The following ANO8 variants were observed in gnomAD, a reference collection of about 807,000 sequenced individuals.
ANO8 encodes the protein anoctamin-8.
ANO8 carries 67 observed loss-of-function variants against 120.4 expected under a neutral mutation model. The ratio of observed to expected loss-of-function variants is 0.56; its 90% CI spans 0.46 to 0.68. The LOEUF is 0.68. Among genes scored for constraint, ANO8 ranks in the 30% least tolerant of loss-of-function variants. The pLI is 0.00. For missense variants in ANO8, 1,526 were observed against 1,737.6 expected (o/e 0.88, Z 2.16); for synonymous variants, 727 against 759.2 (o/e 0.96, Z 0.70).
intron 16 of ANO8, among the ~76,000 whole-genome samples, chr19:17,325,981 A>G (rs1399653183): frequency 2.0e-5 from 3 of 152,194 alleles, no homozygotes; most frequent in Non-Finnish European, 4.4e-5. Context: ...CTGGGCCCAC[A>G]CTGAGGTTCT....
chr19:17,324,056 G>A (rs2074256899), intron 17 of ANO8, among the ~76,000 whole-genome samples, 172 bp from the exon 18 acceptor site: 1 of 37,158 alleles, frequency 2.7e-5, no homozygotes, highest in South Asian at 1.2e-3. Context: ...TGCATACCCT[G>A]CCTCTGGGCA....
At position 17,328,570 on chromosome 19, in the gene ANO8, G is replaced by GCCCC; in HGVS notation, c.1814_1817dup (p.Leu607GlyfsTer16). 2 of 1,547,268 alleles carry GCCCC rather than the reference G, an allele frequency of 1.3e-6. No homozygotes were observed. The highest frequency in any genetic ancestry group is 1.7e-6 in the Non-Finnish European group (2 of 1,146,518). ...TCAGCCGGAGCCCGCAGTCCAGGAG[G>GCCCC]CCCCCTTCCTCGCCCTCCTCCTCGT... On this transcript the variant is annotated frameshift_variant, in exon 13 of 18. Coordinates refer to ENST00000159087, the MANE Select transcript of ANO8 (RefSeq NM_020959.3). LOFTEE classifies it high-confidence loss of function.
At chr19:17,329,257 C>T (rs1445260543) in intron 12 of ANO8, 5 of 418,740 alleles carry the variant, frequency 1.2e-5, no homozygotes, top group Non-Finnish European at 1.7e-5. Context: ...TGCACTGGGC[C>T]GCGTGCGCCC....
Position 17,331,216 on chromosome 19 carries a change from C to G in ANO8, c.704-1G>C. Reference sequence around the variant, plus strand: ...ACACCAAAGTAATCACAGATGTCATCTGCCAGGGGACAAGTGGGTCTCAGT... The same window carrying G: ...ACACCAAAGTAATCACAGATGTCATGTGCCAGGGGACAAGTGGGTCTCAGT... On this transcript the variant is annotated splice_acceptor_variant, in intron 6 of 17. Coordinates refer to ENST00000159087, the MANE Select transcript of ANO8 (RefSeq NM_020959.3). LOFTEE classifies it high-confidence loss of function. 6.2e-7 allele frequency: 1 copy of G among 1,614,220 alleles called. No homozygotes were observed. The highest frequency in any genetic ancestry group is 8.5e-7 in the Non-Finnish European group (1 of 1,180,040).
Position 17,330,339 on chromosome 19 carries a change from T to C in ANO8, c.1146+13A>G. 6.2e-7 allele frequency: 1 copy of C among 1,605,216 alleles called. No individual in the cohort carries two copies. The highest frequency in any genetic ancestry group is 1.1e-5 in the South Asian group (1 of 90,086). On this transcript the variant is annotated intron_variant, in intron 9 of 17. Transcript: ENST00000159087. Reference sequence around the variant, plus strand: ...GTACCAAGGACAGGGCGGGTGAGGGTATGGGGGGTCACCTGCAGCTGGAAG... The same window carrying C: ...GTACCAAGGACAGGGCGGGTGAGGGCATGGGGGGTCACCTGCAGCTGGAAG...
chr19:17,323,578 G>T lies in ANO8; in HGVS notation c.3638C>A (p.Ala1213Glu). 7.8e-7 allele frequency: 1 copy of T among 1,283,228 alleles called. No homozygotes were observed. The allele number at this position is 1,283,228 out of a possible 1,614,324, so 79.5% of individuals were successfully genotyped here. A position where few individuals can be genotyped will look rare whatever the true frequency, so the allele number is the denominator to read the frequency against. The part of the protein sequence containing the change: ...PPTSDPLETP[A>E]PSPSPSPSPQ... ...GCTGGGGCTGGGGCTAGGGGAGGGC[G>T]CTGGGGTCTCGAGGGGATCCGAGGT... The change falls in exon 18 of 18, where the codon GCG becomes GAG. Residue 1213 changes from alanine (A) to glutamate (E), a missense_variant. Coordinates refer to ENST00000159087, the MANE Select transcript of ANO8 (RefSeq NM_020959.3).
rs1400072004 is a variant in ANO8 at position 17,327,966 on chromosome 19, ATG to A, written c.2227-88_2227-87del. ...GAGCCCGCCTCCCTCAGATTATCCC[ATG>A]TGGACCCAGGGCCTGTCCCCATCCT... is the stretch of plus-strand genomic sequence containing the variant. On this transcript the variant is annotated intron_variant, in intron 13 of 17. Coordinates refer to ENST00000159087, the MANE Select transcript of ANO8 (RefSeq NM_020959.3). The A allele has an allele frequency of 3.4e-5, 52 of 1,531,180 alleles. 1 individual carries two copies. In the South Asian group the frequency reaches 6.2e-4, roughly 18 times the overall value. The allele number at this position is 1,531,180 out of a possible 1,614,324, so 94.8% of individuals were successfully genotyped here. A position where few individuals can be genotyped will look rare whatever the true frequency, so the allele number is the denominator to read the frequency against.
At chr19:17,329,174 G>A in intron 12 of ANO8, 191 bp from the exon 13 acceptor site, 1 of 499,412 alleles carries the variant, frequency 2.0e-6, no homozygotes, top group Non-Finnish European at 3.5e-6. Context: ...AATACAGCCT[G>A]GCACGCGCAG....
Position 17,327,336 on chromosome 19 carries a change from G to C in ANO8, c.2560C>G (p.Leu854Val). Residue 854 changes from leucine (L) to valine (V), a missense_variant, in exon 16 of 18, where the codon CTG becomes GTG. Transcript: ENST00000159087. ...ACGTGGATGAGGTACTTGAGGAGCA[G>C]AGCGAAGTGCTGCAGGGGTGGCAGA... ...VSVVVLEHFA[L>V]LLKYLIHVAI... is the part of the protein sequence containing the mutation. 1.9e-6 allele frequency: 3 copies of C among 1,550,360 alleles called. No homozygotes were observed. Among genetic ancestry groups the C allele is most frequent in the Non-Finnish European group, 8.7e-7 (1 of 1,146,550 alleles).
At chr19:17,330,638 C>T (rs1486518947) in intron 8 of ANO8, 134 bp from the exon 9 acceptor site, 3 of 1,385,722 alleles carry the variant, frequency 2.2e-6, no homozygotes, top group Non-Finnish European at 2.9e-6. Context: ...CCACCTAGGG[C>T]ACTGTTCCCA....
In ANO8 at chr19:17,323,483, T is replaced by C. The variant is rs776695120; in HGVS notation, c.*34A>G. 6.8e-5 allele frequency: 88 copies of C among 1,288,688 alleles called. No individual in the cohort carries two copies. Among genetic ancestry groups the C allele is most frequent in the Admixed American group, 1.8e-4 (6 of 32,518 alleles). 79.8% of individuals were successfully genotyped at this position (1,288,688 alleles called of 1,614,324 possible). ...CGGCCGCCCCTGTGAATGACTGATA[T>C]TGCATATGAGAAGAGAAGGCAGGGC... On this transcript the variant is annotated 3_prime_UTR_variant, in exon 18 of 18. Transcript: ENST00000159087.
At position 17,331,151 on chromosome 19, in the gene ANO8, C is replaced by T. The variant is rs772909396; in HGVS notation, c.768G>A (p.Thr256=). The T allele has an allele frequency of 1.9e-6, 3 of 1,614,072 alleles. No individual in the cohort carries two copies. Among genetic ancestry groups the T allele is most frequent in the South Asian group, 1.1e-5 (1 of 91,084 alleles). ...AMYFAWLGFY[T]SAMVYPAVFG... Reference sequence around the variant, plus strand: ...AGACAGCTGGGTATACCATAGCCGACGTGTAGAAGCCCAGCCAGGCGAAGT... The same window carrying T: ...AGACAGCTGGGTATACCATAGCCGATGTGTAGAAGCCCAGCCAGGCGAAGT... Residue 256 remains threonine, a synonymous_variant, in exon 7 of 18, where the codon ACG becomes ACA. Transcript: ENST00000159087.
chr19:17,328,132 G>GCCCCCTGCGAGGCCCCT, intron 13 of ANO8, 30 bp downstream of exon 13: 1 of 1,231,524 alleles, frequency 8.1e-7, no homozygotes, highest in Non-Finnish European at 1.1e-6. Flanking sequence ...GCGAGGCCCC[G>GCCCCCTGCGAGGCCCCT]CCCCCTGCGA....
At position 17,333,201 on chromosome 19, in the gene ANO8, G is replaced by A. The variant is rs2074332550; in HGVS notation, c.389C>T (p.Ala130Val). 3.3e-5 allele frequency: 53 copies of A among 1,610,808 alleles called. No homozygotes were observed. The highest frequency in any genetic ancestry group is 4.4e-5 in the Non-Finnish European group (52 of 1,178,590). Residue 130 changes from alanine (A) to valine (V), a missense_variant, in exon 4 of 18, where the codon GCA becomes GTA. Physicochemically the swap from Ala to Val is moderately conservative, Grantham distance 64. Transcript: ENST00000159087. This position sits in a 1 kb window ranked among gnomAD's most constrained non-coding sequence, Gnocchi z 7.2. Reference protein sequence around the residue: ...RGADELGLRKAVKAEFGGGTR... With the variant: ...RGADELGLRKVVKAEFGGGTR... ...GCCCCCGCCAAACTCGGCCTTCACT[G>A]CTTTGCGCAGACCCAGCTCGTCGGC...
Position 17,327,265 on chromosome 19 carries a change from C to G in ANO8, c.2631G>C (p.Lys877Asn), listed in dbSNP as rs2074278746. 1.3e-6 allele frequency: 2 copies of G among 1,548,566 alleles called. No homozygotes were observed. The highest frequency in any genetic ancestry group is 4.9e-5 in the East Asian group (2 of 40,892). ...IPGWVAEEMA[K>N]LEYQRREAFK... is the part of the protein sequence containing the mutation. ...AGGCCTCGCGGCGCTGGTACTCCAG[C>G]TTGGCCATTTCCTCGGCCACCCAGC... is the stretch of plus-strand genomic sequence containing the variant. The change falls in exon 16 of 18, where the codon AAG becomes AAC. Residue 877 changes from lysine (K) to asparagine (N), a missense_variant. Lys to Asn is a moderately conservative substitution (Grantham distance 94). Coordinates refer to ENST00000159087, the MANE Select transcript of ANO8 (RefSeq NM_020959.3).
chr19:17,333,170 GC>G lies in ANO8; in HGVS notation c.419del (p.Arg140ProfsTer78). 6.2e-7 allele frequency: 1 copy of G among 1,610,300 alleles called. No homozygotes were observed. Among genetic ancestry groups the G allele is most frequent in the South Asian group, 1.1e-5 (1 of 90,698 alleles). On this transcript the variant is annotated frameshift_variant, in exon 4 of 18. Coordinates refer to ENST00000159087, the MANE Select transcript of ANO8 (RefSeq NM_020959.3). LOFTEE classifies it high-confidence loss of function. The surrounding 1 kb of genome is among the most constrained non-coding windows in gnomAD (Gnocchi z 7.2). ...TAAAGTCCTCCTCGCAGGAGAAGCCGCGGGTGCCCCCGCCAAACTCGGCCTT... is the reference window on the plus strand; with the variant it reads ...TAAAGTCCTCCTCGCAGGAGAAGCCGGGGTGCCCCCGCCAAACTCGGCCTT... ...AVKAEFGGGTRGFSCEEDFIY... is the reference protein window; with the variant it reads ...AVKAEFGGGTXGFSCEEDFIY...
In ANO8 at chr19:17,327,428, C is replaced by T. The variant is rs1445667647; in HGVS notation, c.2550+10G>A. 6.3e-7 allele frequency: 1 copy of T among 1,598,686 alleles called. No individual in the cohort carries two copies. The highest frequency in any genetic ancestry group is 8.5e-7 in the Non-Finnish European group (1 of 1,172,674). ...CTCCCAGCTGCCCCCGCCCCTGTCG[C>T]CGGCCCCACCTCGAGCACTACCACC... On this transcript the variant is annotated intron_variant, in intron 15 of 17. Transcript: ENST00000159087.
In ANO8 at chr19:17,332,856, G is replaced by A. The variant is rs529227142; in HGVS notation, c.586+74C>T. On this transcript the variant is annotated intron_variant, in intron 5 of 17. Transcript: ENST00000159087. ...GGTTGGATCTGGGCCCCGCCCTCCT[G>A]CTCCTATAAGCTGTCTTTGAAGAGC... 366 of 1,553,414 alleles carry A rather than the reference G, an allele frequency of 2.4e-4. 7 individuals carry two copies. In the East Asian group the frequency reaches 8.0e-3, roughly 34 times the overall value.
chr19:17,329,059 T>G, intron 12 of ANO8, 76 bp from the exon 13 acceptor site: 1 of 1,207,690 alleles, frequency 8.3e-7, no homozygotes, highest in Non-Finnish European at 1.1e-6. Context: ...TCACCCTCCC[T>G]GGGCGCCCCG....
Sources: allele counts gnomAD v4.1 joint callset (sites outside exome capture counted in the v4.1 genomes callset), GRCh38; gene constraint gnomAD v4.1.1; non-coding constraint Gnocchi (gnomAD v3.1); transcripts MANE v1.5; gene names NCBI Gene and HGNC (gene_info 2026-07-23, HGNC 2026-07-21).